Variants in VIL1 observed in about 807,000 individuals in gnomAD.
VIL1 encodes villin-1.
A neutral mutation model predicts 104.0 loss-of-function variants in VIL1; 86 were observed. The observed-to-expected ratio is 0.83, with a 90% CI of 0.69 to 0.99. The LOEUF (loss-of-function observed/expected upper bound fraction) is 0.99, where lower values mean the gene tolerates loss of function less well. VIL1 is among the 50% of genes least tolerant of loss of function. The pLI is 0.00. For synonymous variants in VIL1, 394 were observed against 412.6 expected (o/e 0.95, Z 0.55); for missense variants, 944 against 1,054.1 (o/e 0.90, Z 1.45).
rs749707965 is a variant in VIL1 at position 218,429,898 on chromosome 2, G to A, written c.899G>A (p.Gly300Glu). Reference protein sequence around the residue: ...QGGLKIYVWKGKKANEQEKKG... With the variant: ...QGGLKIYVWKEKKANEQEKKG... ...GGCCTGAAGATCTACGTGTGGAAAG[G>A]GAAGAAAGCCAATGAGCAGGAGAAG... The change falls in exon 9 of 20, where the codon GGG becomes GAG. Residue 300 changes from glycine to glutamate, a missense_variant. Physicochemically the swap from Gly to Glu is moderately conservative, Grantham distance 98. Transcript: ENST00000248444. The A allele has an allele frequency of 1.2e-6, 2 of 1,613,720 alleles. No individual in the cohort carries two copies. The highest frequency in any genetic ancestry group is 2.2e-5 in the South Asian group (2 of 91,062).
intron 1 of VIL1, among the ~76,000 whole-genome samples, chr2:218,422,145 C>T (rs1011340317): frequency 7.9e-5 from 12 of 152,140 alleles, no homozygotes; most frequent in African/African-American, 2.9e-4. Context: ...ATCCCAGCTA[C>T]TTGGGGGGCT....
At chr2:218,443,664 T>G (rs917726962) in intron 19 of VIL1, among the ~76,000 whole-genome samples, 22 of 150,846 alleles carry the variant, frequency 1.5e-4, no homozygotes, top group Non-Finnish European at 3.1e-4. Flanking sequence ...TTTTCTGTGG[T>G]TTTTTTTTGA....
At chr2:218,446,480 C>T (rs1301849386) in intron 19 of VIL1, among the ~76,000 whole-genome samples, 1 of 151,794 alleles carries the variant, frequency 6.6e-6, no homozygotes, top group Non-Finnish European at 1.5e-5. Context: ...GGTGATCCAC[C>T]TGCCTTGGCC....
chr2:218,436,634 C>G lies in VIL1; in HGVS notation c.1971+8C>G. The G allele has an allele frequency of 6.2e-7, 1 of 1,612,818 alleles. No individual in the cohort carries two copies. Among genetic ancestry groups the G allele is most frequent in the Non-Finnish European group, 8.5e-7 (1 of 1,179,390 alleles). On this transcript the variant is annotated splice_region_variant and intron_variant, in intron 16 of 19. Transcript: ENST00000248444. The stretch of plus-strand genomic sequence containing the variant: ...CTAGATGTCTGGGACCAGGTAGGAC[C>G]AAGGGCCTGGGGACCCCTCTTCCCA...
Position 218,449,516 on chromosome 2 carries a change from C to T in VIL1, c.*180C>T. 3.8e-6 allele frequency: 2 copies of T among 529,124 alleles called. No individual in the cohort carries two copies. Among genetic ancestry groups the T allele is most frequent in the Non-Finnish European group, 6.9e-6 (2 of 291,794 alleles). 32.8% of individuals were successfully genotyped at this position (529,124 alleles called of 1,614,324 possible). A position where few individuals can be genotyped will look rare whatever the true frequency, so the allele number is the denominator to read the frequency against. On this transcript the variant is annotated 3_prime_UTR_variant, in exon 20 of 20. Coordinates refer to ENST00000248444, the MANE Select transcript of VIL1 (RefSeq NM_007127.3). ...ACCTATTCCTTCAGAAAGATGATAC[C>T]CCAAAAGGAGCCTATGGTCCTCATT...
At position 218,438,626 on chromosome 2, in the gene VIL1, C is replaced by T. The variant is rs555286718; in HGVS notation, c.2161-32C>T. 1.2e-5 allele frequency: 19 copies of T among 1,594,548 alleles called. No individual in the cohort carries two copies. In the South Asian group the frequency reaches 2.2e-4, roughly 18 times the overall value. On this transcript the variant is annotated intron_variant, in intron 17 of 19. Coordinates refer to ENST00000248444, the MANE Select transcript of VIL1 (RefSeq NM_007127.3). ...CTCATCCATCTCCTCTGCTGAGATC[C>T]AGGTCTAATCTGTTATTTACTTTAT...
chr2:218,434,737 G>T, intron 14 of VIL1, 32 bp downstream of exon 14: 1 of 1,578,294 alleles, frequency 6.3e-7, no homozygotes, highest in Non-Finnish European at 8.6e-7. Flanking sequence ...CTCCCCATCC[G>T]CAAGTGGGTC....
At position 218,423,769 on chromosome 2, in the gene VIL1, C is replaced by G; in HGVS notation, c.-10C>G. 6.2e-7 allele frequency: 1 copy of G among 1,614,108 alleles called. No homozygotes were observed. On this transcript the variant is annotated splice_region_variant and 5_prime_UTR_variant, in exon 2 of 20. Coordinates refer to ENST00000248444, the MANE Select transcript of VIL1 (RefSeq NM_007127.3). ...TGCTCCCAACGCCTTCTCCCCCAGGCTCACTCACCATGACCAAGCTGAGCG... is the reference window on the plus strand; with the variant it reads ...TGCTCCCAACGCCTTCTCCCCCAGGGTCACTCACCATGACCAAGCTGAGCG...
chr2:218,450,701 T>C lies in VIL1; in HGVS notation c.*1365T>C, dbSNP rs1463547499. 6.6e-6 allele frequency: 1 copy of C among 152,244 alleles called. No homozygotes were observed. Among genetic ancestry groups the C allele is most frequent in the Non-Finnish European group, 1.5e-5 (1 of 68,054 alleles). The allele number at this position is 152,244 out of a possible 1,614,324, so 9.4% of individuals were successfully genotyped here. On this transcript the variant is annotated 3_prime_UTR_variant, in exon 20 of 20. Coordinates refer to ENST00000248444, the MANE Select transcript of VIL1 (RefSeq NM_007127.3). ...AGTAGACCAGTTTAGTTGACTGTTC[T>C]TCTTTGTTCTGGCATCTGACTGGAC...
intron 1 of VIL1, among the ~76,000 whole-genome samples, chr2:218,419,764 C>T (rs993037192): frequency 1.3e-5 from 2 of 152,174 alleles, no homozygotes; most frequent in Admixed American, 6.5e-5. Context: ...CTAGCATGCA[C>T]CTCTGCCCCA....
chr2:218,440,295 A>G (rs919628159), intron 18 of VIL1, among the ~76,000 whole-genome samples: 1 of 152,032 alleles, frequency 6.6e-6, no homozygotes, highest in African/African-American at 2.4e-5. Flanking sequence ...TGTTTTGAGG[A>G]GTCTCTCTCT....
At chr2:218,428,181 T>C in intron 5 of VIL1, 46 bp from the exon 6 acceptor site, 2 of 1,603,398 alleles carry the variant, frequency 1.2e-6, no homozygotes, top group Non-Finnish European at 1.7e-6. Flanking sequence ...TGATGGATGA[T>C]AGGTGAGCTC....
intron 4 of VIL1, among the ~76,000 whole-genome samples, chr2:218,426,665 G>C (rs1021257163): frequency 6.6e-6 from 1 of 150,386 alleles, no homozygotes; most frequent in Non-Finnish European, 1.5e-5. Context: ...GCAGTGGCGC[G>C]ATCTCAACTC....
At position 218,434,542 on chromosome 2, in the gene VIL1, C is replaced by T. The variant is rs777245269; in HGVS notation, c.1517C>T (p.Thr506Ile). 1 of 1,612,410 alleles carries T rather than the reference C, an allele frequency of 6.2e-7. No individual in the cohort carries two copies. The highest frequency in any genetic ancestry group is 8.5e-7 in the Non-Finnish European group (1 of 1,179,346). Residue 506 changes from threonine (T) to isoleucine (I), a missense_variant, in exon 14 of 20, where the codon ACT becomes ATT. Coordinates refer to ENST00000248444, the MANE Select transcript of VIL1 (RefSeq NM_007127.3). ...CACCTGCAGGGAGGCACCTCCCGAACTAACAACTTGGAGACCGGGCCCTCC... is the reference window on the plus strand; with the variant it reads ...CACCTGCAGGGAGGCACCTCCCGAATTAACAACTTGGAGACCGGGCCCTCC... ...MVVYQGGTSR[T>I]NNLETGPSTR... is the part of the protein sequence containing the mutation.
At chr2:218,448,367 C>A (rs1689401639) in intron 19 of VIL1, among the ~76,000 whole-genome samples, 1 of 152,066 alleles carries the variant, frequency 6.6e-6, no homozygotes, top group Non-Finnish European at 1.5e-5. Context: ...GAGTTCGAGA[C>A]CAGCCTGGCC....
Position 218,430,894 on chromosome 2 carries a change from G to A in VIL1, c.1102+16G>A. ...GGCTCCGTGGGTGAGGGCCAGGCGGGGGCAGTGAGGGAGCCAGGATCCAGG... is the reference window on the plus strand; with the variant it reads ...GGCTCCGTGGGTGAGGGCCAGGCGGAGGCAGTGAGGGAGCCAGGATCCAGG... On this transcript the variant is annotated intron_variant, in intron 10 of 19. Transcript: ENST00000248444. 6.2e-7 allele frequency: 1 copy of A among 1,605,248 alleles called. No homozygotes were observed. Among genetic ancestry groups the A allele is most frequent in the Non-Finnish European group, 8.5e-7 (1 of 1,175,962 alleles).
chr2:218,430,766 G>A lies in VIL1; in HGVS notation c.990G>A (p.Val330=), dbSNP rs368912010. 2.5e-6 allele frequency: 4 copies of A among 1,612,312 alleles called. No homozygotes were observed. The African/African-American group carries it at 4.0e-5, about 16-fold the overall frequency. ...AGCAGTACCCACCAAGCACACAGGT[G>A]GAGGTGCAGAATGATGGGGCTGAGT... ...KAKQYPPSTQ[V]EVQNDGAESA... Residue 330 remains valine, a synonymous_variant, in exon 10 of 20, where the codon GTG becomes GTA. Transcript: ENST00000248444.
intron 4 of VIL1, among the ~76,000 whole-genome samples, 187 bp from the exon 5 acceptor site, chr2:218,427,778 G>A (rs1055988360): frequency 1.6e-4 from 24 of 152,164 alleles, no homozygotes; most frequent in Non-Finnish European, 3.2e-4. Context: ...GCCACAGGCA[G>A]ACCTTGCACT....
At chr2:218,438,779 C>A (rs568106473) in intron 18 of VIL1, 53 bp downstream of exon 18, 3 of 1,507,118 alleles carry the variant, frequency 2.0e-6, no homozygotes, top group South Asian at 2.3e-5. Context: ...GGTGGTCAGA[C>A]CTGTGGGAGC....
Sources: gnomAD v4.1 joint callset for allele counts (sites outside exome capture counted in the v4.1 genomes callset) on GRCh38, gnomAD v4.1.1 for gene constraint, MANE v1.5 for transcripts, NCBI Gene and HGNC (gene_info 2026-07-23, HGNC 2026-07-21) for gene names.